The following DCTN6 variants were observed in gnomAD, a reference collection of about 807,000 sequenced individuals.
DCTN6 encodes dynactin subunit 6, also known as dynactin 6.
Under a neutral mutation model 25.8 loss-of-function variants are expected in DCTN6, and 15 were observed. The observed-to-expected ratio is 0.58, with a 90% CI of 0.39 to 0.89. The LOEUF is 0.89. Among genes scored for constraint, DCTN6 ranks in the 40% least tolerant of loss-of-function variants. The pLI, the probability that DCTN6 is intolerant of heterozygous loss-of-function variation, is 0.00. For missense variants in DCTN6, 198 were observed against 237.6 expected (o/e 0.83, Z 1.09); for synonymous variants, 64 against 78.3 (o/e 0.82, Z 0.96).
chr8:30,172,876 CTA>C (rs1355135102), intron 2 of DCTN6, among the ~76,000 whole-genome samples: 2 of 151,962 alleles, frequency 1.3e-5, no homozygotes, highest in African/African-American at 4.8e-5. Flanking sequence ...ATATATGTAT[CTA>C]TGTGAATATG....
At chr8:30,160,800 T>G (rs1803584517) in intron 1 of DCTN6, among the ~76,000 whole-genome samples, 1 of 152,224 alleles carries the variant, frequency 6.6e-6, no homozygotes. Context: ...GGACTGGTCC[T>G]GGAACCAATC....
intron 2 of DCTN6, among the ~76,000 whole-genome samples, chr8:30,165,416 T>A (rs1261275508): frequency 6.6e-6 from 1 of 151,782 alleles, no homozygotes; most frequent in Non-Finnish European, 1.5e-5. Flanking sequence ...TACACTTTAT[T>A]TCCTTAAATG....
chr8:30,181,288 A>G (rs1563232034), intron 6 of DCTN6, among the ~76,000 whole-genome samples: 1 of 152,216 alleles, frequency 6.6e-6, no homozygotes, highest in Non-Finnish European at 1.5e-5. Context: ...ATCAGTCTTC[A>G]AGGTTAAGGA....
intron 2 of DCTN6, among the ~76,000 whole-genome samples, chr8:30,167,691 TTTTCTTTC>T (rs111706788): frequency 9.4e-4 from 143 of 151,630 alleles, no homozygotes; most frequent in African/African-American, 3.3e-3. Flanking sequence ...TTAACACAGA[TTTTCTTTC>T]TTTCTTTCTT....
chr8:30,157,410 G>A, intron 1 of DCTN6, among the ~76,000 whole-genome samples: 1 of 152,206 alleles, frequency 6.6e-6, no homozygotes, highest in East Asian at 1.9e-4. Context: ...GAGTGCAGTT[G>A]TCTTTTTAAT....
At chr8:30,161,650 A>G (rs1392668857) in intron 1 of DCTN6, among the ~76,000 whole-genome samples, 1 of 151,900 alleles carries the variant, frequency 6.6e-6, no homozygotes, top group Non-Finnish European at 1.5e-5. Context: ...CCAACCTGGG[A>G]GGGGGGAAGA....
At chr8:30,172,262 T>A (rs1483414035) in intron 2 of DCTN6, among the ~76,000 whole-genome samples, 1 of 152,122 alleles carries the variant, frequency 6.6e-6, no homozygotes, top group Non-Finnish European at 1.5e-5. Context: ...GAGATACTTT[T>A]CAGCCATTAA....
chr8:30,159,979 TTTGGTTG>T (rs1464289429), intron 1 of DCTN6, among the ~76,000 whole-genome samples: 1 of 151,976 alleles, frequency 6.6e-6, no homozygotes, highest in Non-Finnish European at 1.5e-5. Context: ...CCAGGCTGGT[TTTGGTTG>T]TTTTTCTGGC....
Position 30,183,392 on chromosome 8 carries a change from T to C in DCTN6, c.*219T>C, listed in dbSNP as rs1803935678. ...TATATCCTTGGTTCTTTTCTGATAATTTACAGATTTAGCTTTTCTTTTGTT... is the reference window on the plus strand; with the variant it reads ...TATATCCTTGGTTCTTTTCTGATAACTTACAGATTTAGCTTTTCTTTTGTT... On this transcript the variant is annotated 3_prime_UTR_variant, in exon 7 of 7. Coordinates refer to ENST00000221114, the MANE Select transcript of DCTN6 (RefSeq NM_006571.4). 1 of 353,992 alleles carries C rather than the reference T, an allele frequency of 2.8e-6. No individual in the cohort carries two copies. 21.9% of individuals were successfully genotyped at this position (353,992 alleles called of 1,614,324 possible).
intron 2 of DCTN6, among the ~76,000 whole-genome samples, chr8:30,170,985 T>G: frequency 6.6e-6 from 1 of 152,152 alleles, no homozygotes; most frequent in East Asian, 1.9e-4. Context: ...TGAAAAAAAT[T>G]TTTAAAAATT....
intron 1 of DCTN6, among the ~76,000 whole-genome samples, chr8:30,157,087 A>G (rs1803536565): frequency 6.6e-6 from 1 of 151,874 alleles, no homozygotes; most frequent in Admixed American, 6.6e-5. Context: ...CAGCCCTCAA[A>G]CCCCTCCTAC....
intron 2 of DCTN6, among the ~76,000 whole-genome samples, chr8:30,167,370 A>G (rs1338354282): frequency 2.0e-5 from 3 of 152,178 alleles, no homozygotes; most frequent in Non-Finnish European, 4.4e-5. Flanking sequence ...TTTAGAACCA[A>G]GGTCTTGTTC....
rs1563232402 is a variant in DCTN6 at position 30,183,223 on chromosome 8, T to G, written c.*50T>G. ...CATTTTGTCTTTGACCACTGTCTTT[T>G]GAATGGGCCCACAGTGTTTATGTAC... On this transcript the variant is annotated 3_prime_UTR_variant, in exon 7 of 7. Transcript: ENST00000221114. 2 of 1,438,160 alleles carry G rather than the reference T, an allele frequency of 1.4e-6. No homozygotes were observed. The allele number at this position is 1,438,160 out of a possible 1,614,324, so 89.1% of individuals were successfully genotyped here.
intron 1 of DCTN6, 120 bp downstream of exon 1, chr8:30,156,526 C>G: frequency 7.2e-6 from 9 of 1,241,866 alleles, no homozygotes; most frequent in Non-Finnish European, 1.0e-5. Context: ...GCCGAAGGTA[C>G]CTGAAGCCCA....
intron 3 of DCTN6, 109 bp downstream of exon 3, chr8:30,175,299 T>G (rs1033419883): frequency 2.3e-6 from 2 of 859,148 alleles, no homozygotes; most frequent in African/African-American, 3.4e-5. Flanking sequence ...CCTACTATTT[T>G]AGAGCTAGAG....
rs902824533 is a variant in DCTN6 at position 30,164,116 on chromosome 8, A to G, written c.29A>G (p.Lys10Arg). 6.2e-7 allele frequency: 1 copy of G among 1,613,598 alleles called. No individual in the cohort carries two copies. Among genetic ancestry groups the G allele is most frequent in the African/African-American group, 1.3e-5 (1 of 75,024 alleles). The change falls in exon 2 of 7, where the codon AAG (lysine) becomes AGG (arginine). Residue 10 changes from lysine (K) to arginine (R), a missense_variant. Physicochemically the swap from Lys to Arg is conservative, Grantham distance 26 (BLOSUM62 2). Coordinates refer to ENST00000221114, the MANE Select transcript of DCTN6 (RefSeq NM_006571.4). MAEKTQKSV[K>R]IAPGAVVCVE... ...TTACCTTTTTCTTGCTACAGTGTGA[A>G]GATTGCTCCTGGAGCAGTTGTATGT...
chr8:30,173,308 G>C (rs1803786904), intron 2 of DCTN6, among the ~76,000 whole-genome samples: 1 of 152,194 alleles, frequency 6.6e-6, no homozygotes, highest in Non-Finnish European at 1.5e-5. Context: ...ATTTGTGAAT[G>C]AGTGTATATT....
chr8:30,157,697 G>C (rs922328974), intron 1 of DCTN6, among the ~76,000 whole-genome samples: 2 of 152,056 alleles, frequency 1.3e-5, no homozygotes, highest in African/African-American at 4.8e-5. Flanking sequence ...GCTGGGGGCT[G>C]TTGGTGGCTG....
At chr8:30,166,261 C>T (rs1218396152) in intron 2 of DCTN6, among the ~76,000 whole-genome samples, 13 of 140,256 alleles carry the variant, frequency 9.3e-5, no homozygotes, top group African/African-American at 3.4e-4. Flanking sequence ...TTTTTCTTTT[C>T]TTTTTTTTTT....
Sources: allele counts gnomAD v4.1 joint callset (sites outside exome capture counted in the v4.1 genomes callset), GRCh38; gene constraint gnomAD v4.1.1; transcripts MANE v1.5; gene names NCBI Gene and HGNC (gene_info 2026-07-23, HGNC 2026-07-21).